Variants in ARSJ observed in about 807,000 individuals in gnomAD.
ARSJ encodes arylsulfatase family member J.
A neutral mutation model predicts 35.9 loss-of-function variants in ARSJ; 26 were observed. That is an observed-to-expected ratio of 0.72 (90% confidence interval 0.53 to 1.00). The LOEUF is 1.00. Ranked by LOEUF, ARSJ falls within the 50% of genes least tolerant of loss-of-function variation. ARSJ has a pLI of 0.00. For missense variants in ARSJ, 667 were observed against 723.6 expected (o/e 0.92, Z 0.90); for synonymous variants, 294 against 267.6 (o/e 1.10, Z -0.96).
chr4:113,911,544 T>C (rs2099670449), intron 1 of ARSJ, among the ~76,000 whole-genome samples: 4 of 152,000 alleles, frequency 2.6e-5, no homozygotes, highest in Admixed American at 2.6e-4. Flanking sequence ...AGATTAGATA[T>C]TATAAAGAGA....
At chr4:113,926,402 T>G (rs1453322399) in intron 1 of ARSJ, among the ~76,000 whole-genome samples, 1 of 152,176 alleles carries the variant, frequency 6.6e-6, no homozygotes, top group African/African-American at 2.4e-5. Context: ...CCTTCGGGGA[T>G]GTCCTAGAAA....
chr4:113,910,955 T>C (rs1189195571), intron 1 of ARSJ, among the ~76,000 whole-genome samples: 2 of 152,176 alleles, frequency 1.3e-5, no homozygotes, highest in Non-Finnish European at 2.9e-5. Context: ...GAAGGGGCCA[T>C]GTTTCATTTG....
chr4:113,917,260 G>T (rs529175138), intron 1 of ARSJ, among the ~76,000 whole-genome samples: 1 of 152,138 alleles, frequency 6.6e-6, no homozygotes, highest in South Asian at 2.1e-4. Context: ...GGAATCATGT[G>T]TCCTCATGGT....
chr4:113,916,340 C>A (rs369922528), intron 1 of ARSJ, among the ~76,000 whole-genome samples: 1 of 152,104 alleles, frequency 6.6e-6, no homozygotes, highest in Non-Finnish European at 1.5e-5. Context: ...TGCCGCTCAA[C>A]CTGAACCTCA....
intron 1 of ARSJ, among the ~76,000 whole-genome samples, chr4:113,941,287 A>C (rs900939947): frequency 1.6e-4 from 24 of 152,090 alleles, no homozygotes; most frequent in Admixed American, 2.0e-4. Flanking sequence ...ATACATGAAC[A>C]ATTCAAAGTG....
chr4:113,979,079 C>A lies in ARSJ; in HGVS notation c.-245G>T, dbSNP rs570747776. On this transcript the variant is annotated 5_prime_UTR_variant, in exon 1 of 2. Coordinates refer to ENST00000315366, the MANE Select transcript of ARSJ (RefSeq NM_024590.4). ...ATTTCACTTTCTCCTCCTCCTCCCC[C>A]CTCCCTAGAGCAGCTTCCACCAAGG... The A allele has an allele frequency of 3.1e-4, 131 of 419,730 alleles. 1 individual carries two copies. The highest frequency in any genetic ancestry group is 4.5e-4 in the Non-Finnish European group (108 of 237,992). 26.0% of individuals were successfully genotyped at this position (419,730 alleles called of 1,614,324 possible).
At chr4:113,944,057 A>G (rs1375090623) in intron 1 of ARSJ, 3 of 152,090 alleles carry the variant, frequency 2.0e-5, no homozygotes, top group Non-Finnish European at 4.4e-5. Context: ...TTTGGTAGCA[A>G]AGAGGAAACA....
chr4:113,913,114 C>A (rs1486885365), intron 1 of ARSJ, among the ~76,000 whole-genome samples: 1 of 151,974 alleles, frequency 6.6e-6, no homozygotes, highest in Non-Finnish European at 1.5e-5. Flanking sequence ...TCTGTAATTA[C>A]CCCTCAAATC....
At chr4:113,960,741 C>T (rs1726492463) in intron 1 of ARSJ, among the ~76,000 whole-genome samples, 1 of 152,122 alleles carries the variant, frequency 6.6e-6, no homozygotes, top group African/African-American at 2.4e-5. Flanking sequence ...AAGTCAGTAA[C>T]TTATTTTCTT....
chr4:113,906,260 C>G (rs374788672), intron 1 of ARSJ, among the ~76,000 whole-genome samples: 8 of 152,132 alleles, frequency 5.3e-5, no homozygotes, highest in Admixed American at 1.3e-4. Flanking sequence ...AAATGGTAAA[C>G]CAGTTAAGCA....
intron 1 of ARSJ, among the ~76,000 whole-genome samples, chr4:113,924,178 C>G (rs2149260597): frequency 1.3e-5 from 2 of 149,186 alleles, no homozygotes; most frequent in Middle Eastern, 7.0e-3. Context: ...AATAGGCTGT[C>G]TGCGAGCTGA....
At chr4:113,965,109 C>A (rs921867234) in intron 1 of ARSJ, among the ~76,000 whole-genome samples, 1 of 152,094 alleles carries the variant, frequency 6.6e-6, no homozygotes, top group Non-Finnish European at 1.5e-5. Flanking sequence ...TTCATTTCAT[C>A]TCTCAATAAG....
At chr4:113,937,414 C>A (rs2149267323) in intron 1 of ARSJ, among the ~76,000 whole-genome samples, 1 of 152,078 alleles carries the variant, frequency 6.6e-6, no homozygotes, top group East Asian at 1.9e-4. Context: ...CCATTTATGA[C>A]AAACCCACAG....
chr4:113,930,709 T>TA (rs1724384715), intron 1 of ARSJ, among the ~76,000 whole-genome samples: 2 of 151,590 alleles, frequency 1.3e-5, no homozygotes, highest in Admixed American at 1.3e-4. Context: ...CATGCTGCTA[T>TA]AAAGACACAT....
Position 113,978,710 on chromosome 4 carries a change from C to T in ARSJ, c.125G>A (p.Gly42Asp). Residue 42 changes from glycine to aspartate, a missense_variant, in exon 1 of 2, where the codon GGT (glycine) becomes GAT (aspartate). By Grantham distance (94) the Gly-to-Asp change is moderately conservative. Transcript: ENST00000315366. Reference protein sequence around the residue: ...GFWILCLLTYGYLSWGQALEE... With the variant: ...GFWILCLLTYDYLSWGQALEE... ...TAAGGCCTGGCCCCAGGACAGGTAA[C>T]CATAAGTGAGGAGGCAGAGGATCCA... 1.2e-6 allele frequency: 2 copies of T among 1,614,208 alleles called. No homozygotes were observed. Among genetic ancestry groups the T allele is most frequent in the Non-Finnish European group, 1.7e-6 (2 of 1,180,038 alleles).
chr4:113,940,257 A>G (rs1274199110), intron 1 of ARSJ, among the ~76,000 whole-genome samples: 1 of 152,194 alleles, frequency 6.6e-6, no homozygotes, highest in East Asian at 1.9e-4. Flanking sequence ...CATCAATGAT[A>G]GACTGGATAA....
chr4:113,974,313 C>T (rs1371634410), intron 1 of ARSJ, among the ~76,000 whole-genome samples: 2 of 151,560 alleles, frequency 1.3e-5, no homozygotes, highest in Admixed American at 1.3e-4. Context: ...AATGAAAAAT[C>T]GCTAAAAAAA....
intron 1 of ARSJ, among the ~76,000 whole-genome samples, chr4:113,972,960 T>C (rs1727368893): frequency 6.6e-6 from 1 of 152,224 alleles, no homozygotes; most frequent in Non-Finnish European, 1.5e-5. Flanking sequence ...CTTTGAAAAG[T>C]AAGGCAACAG....
chr4:113,956,230 G>A (rs535185393), intron 1 of ARSJ, among the ~76,000 whole-genome samples: 1 of 151,998 alleles, frequency 6.6e-6, no homozygotes, highest in Admixed American at 6.6e-5. Context: ...CATGTGCTTG[G>A]AATAAAATAG....
Sources: gnomAD v4.1 joint callset for allele counts (sites outside exome capture counted in the v4.1 genomes callset) on GRCh38, gnomAD v4.1.1 for gene constraint, MANE v1.5 for transcripts, NCBI Gene and HGNC (gene_info 2026-07-23, HGNC 2026-07-21) for gene names.